Variants in CDH20 observed in about 807,000 individuals in gnomAD.
The protein encoded by CDH20 is cadherin 20.
A neutral mutation model predicts 74.2 loss-of-function variants in CDH20; 29 were observed. The ratio of observed to expected loss-of-function variants is 0.39; its 90% CI spans 0.29 to 0.53. The LOEUF (loss-of-function observed/expected upper bound fraction) is 0.53, where lower values mean the gene tolerates loss of function less well. Among genes scored for constraint, CDH20 ranks in the 20% least tolerant of loss-of-function variants. The probability of loss-of-function intolerance (pLI) is 0.69; values close to 1 mark genes in which losing one functional copy is unlikely to be tolerated. For missense variants in CDH20, 988 were observed against 1,048.3 expected, an observed-to-expected ratio of 0.94 and a Z score of 0.79; for synonymous variants, 469 against 405.4, an observed-to-expected ratio of 1.16 and a Z score of -1.88.
chr18:61,491,054 C>A (rs1477968992), intron 2 of CDH20, among the ~76,000 whole-genome samples: 3 of 152,078 alleles, frequency 2.0e-5, no homozygotes, highest in Non-Finnish European at 2.9e-5. Flanking sequence ...AAGGCTCAGA[C>A]CCTGCAAGAG....
chr18:61,509,828 A>C (rs939576907), intron 6 of CDH20, among the ~76,000 whole-genome samples: 1 of 152,142 alleles, frequency 6.6e-6, no homozygotes, highest in Admixed American at 6.5e-5. Context: ...GGAGGTGATA[A>C]GAAGTGGTCA....
rs752079413 is a variant in CDH20 at position 61,499,242 on chromosome 18, A to G, written c.303A>G (p.Glu101=). The G allele has an allele frequency of 1.2e-6, 2 of 1,612,226 alleles. No homozygotes were observed. Among genetic ancestry groups the G allele is most frequent in the Non-Finnish European group, 1.7e-6 (2 of 1,178,794 alleles). ...DGSIKYILSG[E]GAGIVFTIDD... ...CCATCAAATACATCCTCTCGGGAGA[A>G]GGTGCTGGCATCGTGTTTACCATCG... The change falls in exon 3 of 12, where the codon GAA becomes GAG. Residue 101 remains glutamate, a synonymous_variant. Coordinates refer to ENST00000262717, the MANE Select transcript of CDH20 (RefSeq NM_031891.4).
At chr18:61,478,182 G>C (rs942015073) in intron 1 of CDH20, among the ~76,000 whole-genome samples, 20 of 150,120 alleles carry the variant, frequency 1.3e-4, no homozygotes, top group African/African-American at 4.9e-4. Flanking sequence ...CTGGGCAACA[G>C]AGCGAGACTC....
At position 61,499,677 on chromosome 18, in the gene CDH20, T is replaced by C. The variant is rs761005443; in HGVS notation, c.541+197T>C. Reference sequence around the variant, plus strand: ...TGGCTGGCAGGAAGCTATATAGACATTGGAATCAACCAGAGCAAGTAATAA... The same window carrying C: ...TGGCTGGCAGGAAGCTATATAGACACTGGAATCAACCAGAGCAAGTAATAA... On this transcript the variant is annotated intron_variant, in intron 3 of 11. Coordinates refer to ENST00000262717, the MANE Select transcript of CDH20 (RefSeq NM_031891.4). Among the ~76,000 whole-genome samples the C allele has an allele frequency of 1.4e-4, 21 of 152,276 alleles. No homozygotes were observed. In the Middle Eastern group the frequency reaches 0.01, roughly 74 times the overall value.
At chr18:61,476,622 A>G (rs60334702) in intron 1 of CDH20, among the ~76,000 whole-genome samples, 1,917 of 152,306 alleles carry the variant, frequency 0.013, 43 homozygotes, top group African/African-American at 0.044. Flanking sequence ...CCCTCATTAC[A>G]GGAGAATACA....
At chr18:61,413,477 A>G (rs1299614462) in intron 1 of CDH20, among the ~76,000 whole-genome samples, 1 of 152,186 alleles carries the variant, frequency 6.6e-6, no homozygotes, top group Non-Finnish European at 1.5e-5. Context: ...GAAAAGTTTA[A>G]AGTTATAAAC....
At chr18:61,524,391 G>C (rs1912314173) in intron 6 of CDH20, among the ~76,000 whole-genome samples, 1 of 152,120 alleles carries the variant, frequency 6.6e-6, no homozygotes, top group Non-Finnish European at 1.5e-5. Context: ...TCATTTGGAA[G>C]TTTCTTATAA....
intron 1 of CDH20, among the ~76,000 whole-genome samples, chr18:61,454,133 T>C (rs1909494414): frequency 6.6e-6 from 1 of 152,202 alleles, no homozygotes; most frequent in Non-Finnish European, 1.5e-5. Context: ...TCATGTCTTT[T>C]ACCCACCTCC....
intron 6 of CDH20, among the ~76,000 whole-genome samples, chr18:61,516,591 G>C (rs1912010887): frequency 6.6e-6 from 1 of 151,876 alleles, no homozygotes; most frequent in Non-Finnish European, 1.5e-5. Flanking sequence ...GAAGTTTCTT[G>C]AATTTGGAAA....
At chr18:61,518,652 G>A (rs1291386624) in intron 6 of CDH20, among the ~76,000 whole-genome samples, 4 of 151,304 alleles carry the variant, frequency 2.6e-5, no homozygotes, top group African/African-American at 9.8e-5. Flanking sequence ...ATAAATCCAT[G>A]AAGATGAGGA....
At chr18:61,518,440 T>C (rs1309349992) in intron 6 of CDH20, among the ~76,000 whole-genome samples, 1 of 143,978 alleles carries the variant, frequency 6.9e-6, no homozygotes, top group Non-Finnish European at 1.5e-5. Flanking sequence ...CAATCTTTGC[T>C]GTTCTGCAGC....
At chr18:61,439,984 G>A (rs575045266) in intron 1 of CDH20, among the ~76,000 whole-genome samples, 1 of 152,164 alleles carries the variant, frequency 6.6e-6, no homozygotes, top group Admixed American at 6.5e-5. Flanking sequence ...TTTTTCTATG[G>A]CAAACTCTTA....
At chr18:61,495,748 T>A (rs899697997) in intron 2 of CDH20, among the ~76,000 whole-genome samples, 1 of 152,176 alleles carries the variant, frequency 6.6e-6, no homozygotes, top group African/African-American at 2.4e-5. Flanking sequence ...CTGGCTGTTT[T>A]TCCTGGAGCT....
chr18:61,351,575 GAGA>G (rs957738612), intron 1 of CDH20, among the ~76,000 whole-genome samples: 2 of 152,034 alleles, frequency 1.3e-5, no homozygotes, highest in African/African-American at 4.8e-5. Flanking sequence ...ATTATCAGGA[GAGA>G]AGAACTTGTT....
chr18:61,488,098 ACG>A (rs1451981590), intron 1 of CDH20, among the ~76,000 whole-genome samples: 3 of 144,124 alleles, frequency 2.1e-5, no homozygotes, highest in Admixed American at 6.9e-5. Context: ...ATATATATGT[ACG>A]TATATATGTA....
At chr18:61,437,916 A>G (rs530216184) in intron 1 of CDH20, among the ~76,000 whole-genome samples, 1 of 152,306 alleles carries the variant, frequency 6.6e-6, no homozygotes, top group South Asian at 2.1e-4. Context: ...TAATACAGGG[A>G]ATCTCGAAGT....
At chr18:61,340,667 C>A (rs1210938635) in intron 1 of CDH20, among the ~76,000 whole-genome samples, 8 of 152,156 alleles carry the variant, frequency 5.3e-5, no homozygotes, top group African/African-American at 1.4e-4. Flanking sequence ...AGCATACACC[C>A]TTTATCATAT....
At chr18:61,403,268 T>C (rs1360271690) in intron 1 of CDH20, among the ~76,000 whole-genome samples, 1 of 152,206 alleles carries the variant, frequency 6.6e-6, no homozygotes, top group Non-Finnish European at 1.5e-5. Context: ...TGTTTGGTCT[T>C]AACTGTCTCT....
intron 1 of CDH20, among the ~76,000 whole-genome samples, chr18:61,489,420 G>A (rs556294728): frequency 6.6e-5 from 10 of 151,934 alleles, no homozygotes; most frequent in Non-Finnish European, 1.3e-4. Flanking sequence ...ATATTAAGCC[G>A]AAGGAAGACA....
Sources: gnomAD v4.1 joint callset for allele counts (sites outside exome capture counted in the v4.1 genomes callset) on GRCh38, gnomAD v4.1.1 for gene constraint, MANE v1.5 for transcripts, NCBI Gene and HGNC (gene_info 2026-07-23, HGNC 2026-07-21) for gene names.